F2R: variants seen among roughly 807,000 people sequenced by gnomAD.
F2R encodes coagulation factor II thrombin receptor, also known as proteinase-activated receptor 1.
In F2R, 12 loss-of-function variants were observed where a neutral mutation model predicts 18.3. That is an observed-to-expected ratio of 0.66 (90% CI 0.42 to 1.06). F2R has a LOEUF of 1.06. Among genes scored for constraint, F2R ranks in the 50% least tolerant of loss-of-function variants. The pLI, the probability that F2R is intolerant of heterozygous loss-of-function variation, is 0.00. For missense variants in F2R, 438 were observed against 530.8 expected, an observed-to-expected ratio of 0.83 and a Z score of 1.72; for synonymous variants, 210 against 219.9, an observed-to-expected ratio of 0.95 and a Z score of 0.40.
chr5:76,722,825 A>C (rs528654065), intron 1 of F2R, among the ~76,000 whole-genome samples: 2 of 152,078 alleles, frequency 1.3e-5, no homozygotes, highest in South Asian at 4.2e-4. Flanking sequence ...GTGGTGCACA[A>C]CTGTCATCCC....
At chr5:76,720,866 G>A (rs879421887) in intron 1 of F2R, among the ~76,000 whole-genome samples, 1 of 152,160 alleles carries the variant, frequency 6.6e-6, no homozygotes, top group Non-Finnish European at 1.5e-5. Context: ...GGAGTGCAGA[G>A]GCACAAATTT....
At position 76,733,579 on chromosome 5, in the gene F2R, C is replaced by G; in HGVS notation, c.*76C>G. On this transcript the variant is annotated 3_prime_UTR_variant, in exon 2 of 2. Coordinates refer to ENST00000319211, the MANE Select transcript of F2R (RefSeq NM_001992.5). ...CCTGAGGATTCTATTAGTCCCCACC[C>G]AAACTTTATTGATTCACCTCCTAAA... is the stretch of plus-strand genomic sequence containing the variant. 1 of 1,189,974 alleles carries G rather than the reference C, an allele frequency of 8.4e-7. No homozygotes were observed. The highest frequency in any genetic ancestry group is 1.2e-6 in the Non-Finnish European group (1 of 861,842). The allele number at this position is 1,189,974 out of a possible 1,614,324, so 73.7% of individuals were successfully genotyped here. A position where few individuals can be genotyped will look rare whatever the true frequency, so the allele number is the denominator to read the frequency against.
intron 1 of F2R, among the ~76,000 whole-genome samples, chr5:76,718,910 C>A (rs1367366490): frequency 6.6e-6 from 1 of 152,126 alleles, no homozygotes; most frequent in African/African-American, 2.4e-5. Flanking sequence ...CAGAGTCAAG[C>A]CCAATTCTCT....
chr5:76,721,104 G>A (rs1748444990), intron 1 of F2R, among the ~76,000 whole-genome samples: 1 of 152,316 alleles, frequency 6.6e-6, no homozygotes, highest in South Asian at 2.1e-4. Flanking sequence ...ACCATGCCCA[G>A]TCTTTAACTA....
In F2R at chr5:76,732,639, G is replaced by A. The variant is rs1748689012; in HGVS notation, c.414G>A (p.Val138=). ...AAATGAAGGTCAAGAAGCCGGCGGT[G>A]GTGTACATGCTGCACCTGGCCACGG... ...ILKMKVKKPA[V]VYMLHLATAD... The change falls in exon 2 of 2, where the codon GTG becomes GTA. Residue 138 remains valine, a synonymous_variant. Transcript: ENST00000319211. The A allele has an allele frequency of 6.2e-7, 1 of 1,614,050 alleles. No homozygotes were observed. Among genetic ancestry groups the A allele is most frequent in the Admixed American group, 1.7e-5 (1 of 60,002 alleles).
chr5:76,733,693 A>G lies in F2R; in HGVS notation c.*190A>G. On this transcript the variant is annotated 3_prime_UTR_variant, in exon 2 of 2. Transcript: ENST00000319211. The stretch of plus-strand genomic sequence containing the variant: ...ATTACCAGAAAGATAACAGGACGAG[A>G]TGACGGTGTTATTCCAAGGGAATAT... The G allele has an allele frequency of 3.4e-6, 2 of 582,222 alleles. No homozygotes were observed. Among genetic ancestry groups the G allele is most frequent in the Non-Finnish European group, 6.1e-6 (2 of 330,070 alleles). The allele number at this position is 582,222 out of a possible 1,614,324, so 36.1% of individuals were successfully genotyped here.
chr5:76,727,256 C>T (rs907654079), intron 1 of F2R, among the ~76,000 whole-genome samples: 11 of 152,166 alleles, frequency 7.2e-5, no homozygotes, highest in Non-Finnish European at 1.3e-4. Flanking sequence ...CTGTTTCACA[C>T]GGGATGCTCC....
At position 76,733,462 on chromosome 5, in the gene F2R, A is replaced by G; in HGVS notation, c.1237A>G (p.Ser413Gly). 1 of 1,614,090 alleles carries G rather than the reference A, an allele frequency of 6.2e-7. No homozygotes were observed. Among genetic ancestry groups the G allele is most frequent in the Non-Finnish European group, 8.5e-7 (1 of 1,180,018 alleles). Residue 413 changes from serine to glycine, a missense_variant, in exon 2 of 2, where the codon AGT (serine) becomes GGT (glycine). By Grantham distance (56) the Ser-to-Gly change is moderately conservative. Coordinates refer to ENST00000319211, the MANE Select transcript of F2R (RefSeq NM_001992.5). ...LMASKMDTCS[S>G]NLNNSIYKKL... ...GGCAAGTAAAATGGATACCTGCTCT[A>G]GTAACCTGAATAACAGCATATACAA...
In F2R at chr5:76,731,187, A is replaced by G. The variant is rs190139689; in HGVS notation, c.89-1127A>G. Among the ~76,000 whole-genome samples the G allele has an allele frequency of 2.1e-3, 317 of 152,348 alleles. 1 individual carries two copies. The highest frequency in any genetic ancestry group is 0.014 in the Middle Eastern group (4 of 294). On this transcript the variant is annotated intron_variant, in intron 1 of 1. Transcript: ENST00000319211. ...CCCAGGGATTGTGGTTTGGACCCAG[A>G]TATAGTGAGAGATTTCTACATTCTC...
At chr5:76,727,217 C>T (rs1258022531) in intron 1 of F2R, among the ~76,000 whole-genome samples, 1 of 152,190 alleles carries the variant, frequency 6.6e-6, no homozygotes, top group Non-Finnish European at 1.5e-5. Context: ...ACTGCTTAAT[C>T]GTTATGGTTT....
In F2R at chr5:76,733,588, T is replaced by C. The variant is rs140665593; in HGVS notation, c.*85T>C. On this transcript the variant is annotated 3_prime_UTR_variant, in exon 2 of 2. Transcript: ENST00000319211. ...TCTATTAGTCCCCACCCAAACTTTATTGATTCACCTCCTAAAACAACAGAT... is the reference window on the plus strand; with the variant it reads ...TCTATTAGTCCCCACCCAAACTTTACTGATTCACCTCCTAAAACAACAGAT... 2.9e-5 allele frequency: 30 copies of C among 1,046,544 alleles called. No homozygotes were observed. The East Asian group carries it at 7.7e-4, about 27-fold the overall frequency. The allele number at this position is 1,046,544 out of a possible 1,614,324, so 64.8% of individuals were successfully genotyped here.
intron 1 of F2R, among the ~76,000 whole-genome samples, chr5:76,716,981 A>G (rs1425482031): frequency 6.6e-6 from 1 of 152,200 alleles, no homozygotes; most frequent in Non-Finnish European, 1.5e-5. Context: ...TGGTGACAAT[A>G]GCAGAGGCTC....
intron 1 of F2R, among the ~76,000 whole-genome samples, chr5:76,720,922 C>T (rs755779952): frequency 7.6e-4 from 115 of 152,188 alleles, no homozygotes; most frequent in Non-Finnish European, 1.4e-3. Flanking sequence ...ATCCTCCTAA[C>T]TCAGCCTCCA....
chr5:76,725,611 G>T (rs1444809077), intron 1 of F2R, among the ~76,000 whole-genome samples: 2 of 133,418 alleles, frequency 1.5e-5, no homozygotes, highest in Non-Finnish European at 3.1e-5. Flanking sequence ...TTTGATGCTG[G>T]TATATACTAC....
chr5:76,726,707 A>T (rs1049230787), intron 1 of F2R, among the ~76,000 whole-genome samples: 1 of 152,188 alleles, frequency 6.6e-6, no homozygotes, highest in Non-Finnish European at 1.5e-5. Context: ...TCTCAAAAAA[A>T]AATTGGTTCC....
At chr5:76,728,549 G>A (rs1214405712) in intron 1 of F2R, among the ~76,000 whole-genome samples, 2 of 151,978 alleles carry the variant, frequency 1.3e-5, no homozygotes, top group Non-Finnish European at 1.5e-5. Flanking sequence ...AGGCTGAATA[G>A]TATTCCACTG....
intron 1 of F2R, chr5:76,716,885 G>T: frequency 4.0e-6 from 2 of 502,856 alleles, no homozygotes; most frequent in East Asian, 6.9e-5. Flanking sequence ...AGCCCAGGCA[G>T]TCCCTTGGCA....
chr5:76,726,440 A>G (rs939604512), intron 1 of F2R, among the ~76,000 whole-genome samples: 4 of 152,086 alleles, frequency 2.6e-5, no homozygotes, highest in Admixed American at 2.6e-4. Flanking sequence ...CTGAGGCAAG[A>G]GAATGGCGTG....
At chr5:76,721,149 G>A (rs144780412) in intron 1 of F2R, among the ~76,000 whole-genome samples, 39 of 152,232 alleles carry the variant, frequency 2.6e-4, no homozygotes, top group Non-Finnish European at 4.7e-4. Context: ...CTTCCATTGC[G>A]GATACTCACA....
Sources: allele counts gnomAD v4.1 joint callset (sites outside exome capture counted in the v4.1 genomes callset), GRCh38; gene constraint gnomAD v4.1.1; transcripts MANE v1.5; gene names NCBI Gene and HGNC (gene_info 2026-07-23, HGNC 2026-07-21).